The following SOX5 variants were observed in gnomAD, a reference collection of about 807,000 sequenced individuals.
The protein encoded by SOX5 is transcription factor SOX-5.
SOX5 carries 9 observed loss-of-function variants against 92.0 expected under a neutral mutation model. The observed-to-expected ratio is 0.10, with a 90% CI of 0.06 to 0.17. The LOEUF (loss-of-function observed/expected upper bound fraction) is 0.17, where lower values mean the gene tolerates loss of function less well. Among genes scored for constraint, SOX5 ranks in the 10% least tolerant of loss-of-function variants. SOX5 has a pLI of 1.00. For missense variants in SOX5, 642 were observed against 944.5 expected (o/e 0.68, Z 4.20); for synonymous variants, 344 against 336.3 (o/e 1.02, Z -0.25).
intron 3 of SOX5, among the ~76,000 whole-genome samples, chr12:23,838,170 T>A (rs1367953472): frequency 1.4e-5 from 2 of 143,680 alleles, no homozygotes; most frequent in African/African-American, 5.1e-5. Flanking sequence ...AATATATATT[T>A]ATATTACATA....
intron 4 of SOX5, among the ~76,000 whole-genome samples, chr12:23,749,090 C>T (rs2094102446): frequency 6.6e-6 from 1 of 151,836 alleles, no homozygotes; most frequent in Non-Finnish European, 1.5e-5. Context: ...GACCTCCCCT[C>T]ATCAAAAAGG....
intron 11 of SOX5, among the ~76,000 whole-genome samples, chr12:23,562,971 C>G (rs1307410966): frequency 1.3e-5 from 2 of 152,176 alleles, no homozygotes; most frequent in Non-Finnish European, 2.9e-5. Flanking sequence ...AACTTTTAGT[C>G]AGACTCAGAT....
chr12:24,140,814 C>T (rs1222950606), intron 4 of SOX5, among the ~76,000 whole-genome samples: 1 of 152,078 alleles, frequency 6.6e-6, no homozygotes, highest in Non-Finnish European at 1.5e-5. Context: ...GATATAACGA[C>T]AAAAACTCTC....
intron 1 of SOX5, among the ~76,000 whole-genome samples, chr12:23,936,617 GT>G (rs1271054586): frequency 6.6e-6 from 1 of 150,800 alleles, no homozygotes; most frequent in African/African-American, 2.4e-5. Context: ...AAAGATAGAA[GT>G]TTTGATTTCC....
At chr12:23,586,834 G>GT (rs1159762113) in intron 9 of SOX5, among the ~76,000 whole-genome samples, 1 of 151,292 alleles carries the variant, frequency 6.6e-6, no homozygotes. Flanking sequence ...GACTTAAAGT[G>GT]TTTTTTCCTT....
intron 9 of SOX5, among the ~76,000 whole-genome samples, chr12:23,589,075 TC>T (rs2137074049): frequency 6.6e-6 from 1 of 151,786 alleles, no homozygotes; most frequent in African/African-American, 2.4e-5. Context: ...ATAGGACATA[TC>T]CCCATCATTA....
chr12:24,195,296 A>T lies in SOX5; in HGVS notation c.-2+18047T>A, dbSNP rs188111559. On this transcript the variant is annotated intron_variant, in intron 4 of 4. Coordinates refer to the SOX5 transcript ENST00000446891. The stretch of plus-strand genomic sequence containing the variant: ...ATTTTTCATAATCATCAATTTTTTT[A>T]AATTCAGTCTATTTTCTGTTGTGGA... Among the ~76,000 whole-genome samples, 136 of 152,286 alleles carry T rather than the reference A, an allele frequency of 8.9e-4. 1 individual carries two copies. The highest frequency in any genetic ancestry group is 1.5e-3 in the Non-Finnish European group (99 of 68,012).
chr12:24,202,686 G>GTA (rs1957638106), intron 4 of SOX5, among the ~76,000 whole-genome samples: 1 of 152,070 alleles, frequency 6.6e-6, no homozygotes. Flanking sequence ...TTATTTTGTA[G>GTA]TATGTCCCTT....
intron 1 of SOX5, among the ~76,000 whole-genome samples, chr12:23,941,005 T>C (rs1943531476): frequency 1.3e-5 from 2 of 151,570 alleles, no homozygotes. Flanking sequence ...CACAGGATTC[T>C]GAGCTGCAAA....
intron 10 of SOX5, among the ~76,000 whole-genome samples, chr12:23,570,198 TA>T (rs1440219142): frequency 1.3e-5 from 2 of 152,226 alleles, no homozygotes; most frequent in African/African-American, 4.8e-5. Flanking sequence ...TCAACAAATA[TA>T]TTTTTTTCTA....
At chr12:23,603,631 C>A (rs1185445367) in intron 9 of SOX5, among the ~76,000 whole-genome samples, 1 of 151,462 alleles carries the variant, frequency 6.6e-6, no homozygotes, top group Non-Finnish European at 1.5e-5. Flanking sequence ...ATCATTTAAG[C>A]AAGATCTTAA....
At chr12:24,463,823 AT>A in intron 1 of SOX5, among the ~76,000 whole-genome samples, 1 of 152,150 alleles carries the variant, frequency 6.6e-6, no homozygotes, top group East Asian at 1.9e-4. Context: ...GTAATTTTTT[AT>A]TTTGGAACAC....
In SOX5 at chr12:24,462,595, C is replaced by G. The variant is rs78621284; in HGVS notation, c.-250-93956G>C. Among the ~76,000 whole-genome samples the G allele has an allele frequency of 4.2e-3, 636 of 152,214 alleles. 2 individuals carry two copies. The highest frequency in any genetic ancestry group is 6.8e-3 in the Middle Eastern group (2 of 294). On this transcript the variant is annotated intron_variant, in intron 1 of 4. Coordinates refer to the SOX5 transcript ENST00000446891. The stretch of plus-strand genomic sequence containing the variant: ...GTTTTCCTACCTCTGCTTCTATAAT[C>G]CCTAGTAAAAACTAATCTCTTTTGC...
At chr12:24,479,436 T>C (rs1029689443) in intron 1 of SOX5, among the ~76,000 whole-genome samples, 4 of 152,212 alleles carry the variant, frequency 2.6e-5, no homozygotes, top group African/African-American at 7.2e-5. Context: ...ATGTATGACC[T>C]CATTTAATCT....
intron 8 of SOX5, among the ~76,000 whole-genome samples, chr12:23,630,008 A>C (rs2078327405): frequency 6.6e-6 from 1 of 152,016 alleles, no homozygotes; most frequent in Non-Finnish European, 1.5e-5. Flanking sequence ...TAGGTGGAAT[A>C]AGGGACATGT....
intron 2 of SOX5, among the ~76,000 whole-genome samples, chr12:24,312,271 A>G (rs979020013): frequency 6.6e-6 from 1 of 152,178 alleles, no homozygotes; most frequent in African/African-American, 2.4e-5. Flanking sequence ...CTCCCCTCTC[A>G]AAAACACTCC....
At chr12:24,380,278 C>A (rs1001303097) in intron 1 of SOX5, among the ~76,000 whole-genome samples, 2 of 152,192 alleles carry the variant, frequency 1.3e-5, no homozygotes, top group African/African-American at 4.8e-5. Context: ...TACCAAGCTG[C>A]CAGCCCAGCC....
At chr12:24,459,710 T>G (rs567154201) in intron 1 of SOX5, among the ~76,000 whole-genome samples, 2 of 152,282 alleles carry the variant, frequency 1.3e-5, no homozygotes, top group African/African-American at 4.8e-5. Flanking sequence ...TATTAATACC[T>G]AAAGATGACA....
At chr12:23,649,521 C>A (rs1463977140) in intron 7 of SOX5, among the ~76,000 whole-genome samples, 2 of 152,072 alleles carry the variant, frequency 1.3e-5, no homozygotes, top group Non-Finnish European at 2.9e-5. Flanking sequence ...AGGTTTTAAC[C>A]ATTTGAAAAA....
Sources: gnomAD v4.1 joint callset for allele counts (sites outside exome capture counted in the v4.1 genomes callset) on GRCh38, gnomAD v4.1.1 for gene constraint, MANE v1.5 for transcripts, NCBI Gene and HGNC (gene_info 2026-07-23, HGNC 2026-07-21) for gene names.